TMC1: variants seen among roughly 807,000 people sequenced by gnomAD.
TMC1 encodes transmembrane channel-like protein 1.
Under a neutral mutation model 105.8 loss-of-function variants are expected in TMC1, and 84 were observed. The ratio of observed to expected loss-of-function variants is 0.79; its 90% CI spans 0.67 to 0.95. The LOEUF is 0.95. Among genes scored for constraint, TMC1 ranks in the 40% least tolerant of loss-of-function variants. The pLI is 0.00. For missense variants in TMC1, 817 were observed against 914.1 expected (o/e 0.89, Z 1.37); for synonymous variants, 315 against 311.5 (o/e 1.01, Z -0.12).
chr9:72,807,424 C>T (rs1447209066), intron 18 of TMC1, among the ~76,000 whole-genome samples: 1 of 152,184 alleles, frequency 6.6e-6, no homozygotes. Flanking sequence ...ATTTATAATG[C>T]AGAGAAGTTC....
Position 72,564,300 on chromosome 9 carries a change from A to G in TMC1, c.-427-13602A>G, listed in dbSNP as rs143505493. On this transcript the variant is annotated intron_variant, in intron 1 of 23. Transcript: ENST00000297784. ...AATAGCTTAGAATCATGAAGCAGCA[A>G]TATTTTATCCTGAGAGCAAACAAAC... 3.2e-3 allele frequency among the ~76,000 whole-genome samples: 491 copies of G among 152,372 alleles called. 2 individuals are homozygous for G. Among genetic ancestry groups the G allele is most frequent in the African/African-American group, 0.01 (426 of 41,592 alleles).
chr9:72,640,044 C>T lies in TMC1; in HGVS notation c.-52-8553C>T, dbSNP rs60768733. 1.2e-3 allele frequency among the ~76,000 whole-genome samples: 189 copies of T among 152,128 alleles called. 1 individual carries two copies. The highest frequency in any genetic ancestry group is 4.3e-3 in the African/African-American group (178 of 41,508). ...AAACATATTTCTGGTTTTGCCAATCCAATTTTTTTTTTAATTAAGTGCTTA... is the reference window on the plus strand; with the variant it reads ...AAACATATTTCTGGTTTTGCCAATCTAATTTTTTTTTTAATTAAGTGCTTA... On this transcript the variant is annotated intron_variant, in intron 4 of 23. Transcript: ENST00000297784.
At chr9:72,751,635 G>A (rs571708210) in intron 10 of TMC1, among the ~76,000 whole-genome samples, 3 of 152,130 alleles carry the variant, frequency 2.0e-5, no homozygotes, top group Admixed American at 1.3e-4. Context: ...TGCATTCTAC[G>A]TACCTTCTAC....
intron 4 of TMC1, among the ~76,000 whole-genome samples, chr9:72,647,585 C>G (rs879310228): frequency 4.6e-5 from 7 of 152,074 alleles, no homozygotes; most frequent in Non-Finnish European, 1.0e-4. Context: ...CAATTAAAAT[C>G]CAGTATCTAG....
chr9:72,827,720 C>G (rs1411913206), intron 21 of TMC1, among the ~76,000 whole-genome samples: 3 of 152,238 alleles, frequency 2.0e-5, no homozygotes, highest in Non-Finnish European at 4.4e-5. Flanking sequence ...CAGCGTCCAT[C>G]TCTTCCTTTC....
At chr9:72,565,944 GAC>G (rs1452829000) in intron 1 of TMC1, among the ~76,000 whole-genome samples, 1 of 152,140 alleles carries the variant, frequency 6.6e-6, no homozygotes, top group Non-Finnish European at 1.5e-5. Flanking sequence ...TTTGGGTGGG[GAC>G]ACAGCCAAAC....
chr9:72,831,593 C>A (rs924574605), intron 23 of TMC1, among the ~76,000 whole-genome samples: 1 of 151,934 alleles, frequency 6.6e-6, no homozygotes, highest in Non-Finnish European at 1.5e-5. Flanking sequence ...CCTGCTCCCC[C>A]CACCGCACGA....
intron 8 of TMC1, among the ~76,000 whole-genome samples, chr9:72,710,883 TGTCAACCC>T (rs1826824133): frequency 6.6e-6 from 1 of 152,164 alleles, no homozygotes; most frequent in Non-Finnish European, 1.5e-5. Flanking sequence ...TTGCTGCACC[TGTCAACCC>T]GTCATCCACA....
chr9:72,552,730 A>G (rs1170990501), intron 1 of TMC1, among the ~76,000 whole-genome samples: 2 of 152,174 alleles, frequency 1.3e-5, no homozygotes, highest in African/African-American at 2.4e-5. Flanking sequence ...CAACCAGCTG[A>G]CCACTTGTGT....
chr9:72,591,967 T>A (rs947927306), intron 2 of TMC1, among the ~76,000 whole-genome samples: 1 of 152,176 alleles, frequency 6.6e-6, no homozygotes, highest in African/African-American at 2.4e-5. Context: ...GAGGCGCTAG[T>A]TGCTAGTTTA....
At chr9:72,550,407 T>C (rs1823840895) in intron 1 of TMC1, among the ~76,000 whole-genome samples, 1 of 147,706 alleles carries the variant, frequency 6.8e-6, no homozygotes, top group Admixed American at 6.8e-5. Flanking sequence ...GAAGCAGAGG[T>C]TGCAGAGCCC....
At chr9:72,543,619 C>T (rs1282027544) in intron 1 of TMC1, among the ~76,000 whole-genome samples, 2 of 152,100 alleles carry the variant, frequency 1.3e-5, no homozygotes, top group East Asian at 3.9e-4. Context: ...TCTGTCTCTA[C>T]TAAAAATACA....
chr9:72,600,407 G>A (rs959369177), intron 2 of TMC1, among the ~76,000 whole-genome samples: 11 of 152,192 alleles, frequency 7.2e-5, no homozygotes, highest in African/African-American at 2.4e-4. Flanking sequence ...ATACTAGGCT[G>A]TGTTCAAGTG....
intron 17 of TMC1, chr9:72,805,146 AT>A: frequency 2.6e-6 from 1 of 388,006 alleles, no homozygotes; most frequent in Non-Finnish European, 4.7e-6. Flanking sequence ...TGTTTATGAA[AT>A]TTCTCAGTAA....
rs1823841382 is a variant in TMC1, at chr9:72,550,428, A to T, written c.-427-27474A>T. 2.0e-5 allele frequency among the ~76,000 whole-genome samples: 3 copies of T among 151,678 alleles called. No individual in the cohort carries two copies. The South Asian group carries it at 6.3e-4, about 32-fold the overall frequency. On this transcript the variant is annotated intron_variant, in intron 1 of 23. Coordinates refer to ENST00000297784, the MANE Select transcript of TMC1 (RefSeq NM_138691.3). The stretch of plus-strand genomic sequence containing the variant: ...GAGGTTGCAGAGCCCATATCGTGCC[A>T]CTGCACTCTAGCCTAGGTGACAGAG...
At chr9:72,757,878 T>G (rs1012366123) in intron 12 of TMC1, among the ~76,000 whole-genome samples, 9 of 152,198 alleles carry the variant, frequency 5.9e-5, no homozygotes, top group African/African-American at 2.2e-4. Context: ...CGAATTGGGA[T>G]GCAGGGCTGG....
chr9:72,585,317 A>AT (rs35325796), intron 2 of TMC1, among the ~76,000 whole-genome samples: 67,952 of 151,072 alleles, frequency 0.45, 17,321 homozygotes, highest in African/African-American at 0.7. Context: ...CGCCCTGCTA[A>AT]TTTTTTGTAC....
At chr9:72,803,436 T>A (rs369756172) in intron 17 of TMC1, among the ~76,000 whole-genome samples, 1 of 151,886 alleles carries the variant, frequency 6.6e-6, no homozygotes, top group East Asian at 1.9e-4. Context: ...CTCATCAGAG[T>A]GAACAGACAA....
chr9:72,729,805 T>C (rs1017204742), intron 8 of TMC1, among the ~76,000 whole-genome samples: 1 of 152,206 alleles, frequency 6.6e-6, no homozygotes, highest in African/African-American at 2.4e-5. Flanking sequence ...AAGTTTTATA[T>C]GACATGGAAG....
Sources: gnomAD v4.1 joint callset for allele counts (sites outside exome capture counted in the v4.1 genomes callset) on GRCh38, gnomAD v4.1.1 for gene constraint, MANE v1.5 for transcripts, NCBI Gene and HGNC (gene_info 2026-07-23, HGNC 2026-07-21) for gene names.